Variants in CNTN2 observed in about 807,000 individuals in gnomAD.
The protein encoded by CNTN2 is contactin 2, also known as contactin-2.
In CNTN2, 53 loss-of-function variants were observed where a neutral mutation model predicts 117.5. The ratio of observed to expected loss-of-function variants is 0.45; its 90% confidence interval spans 0.36 to 0.57. The LOEUF is 0.57. CNTN2 is among the 20% of genes least tolerant of loss of function. The pLI, the probability that CNTN2 is intolerant of heterozygous loss-of-function variation, is 0.00. For synonymous variants in CNTN2, 530 were observed against 561.7 expected (o/e 0.94, Z 0.80); for missense variants, 1,106 against 1,404.3 (o/e 0.79, Z 3.39).
chr1:205,049,669 C>T (rs1214862115), intron 1 of CNTN2, among the ~76,000 whole-genome samples: 1 of 152,176 alleles, frequency 6.6e-6, no homozygotes, highest in Admixed American at 6.5e-5. Context: ...CACCCTGCCC[C>T]CAGTGAGCTC....
In CNTN2 at chr1:205,072,074, A is replaced by G. The variant is rs763177971; in HGVS notation, c.2672A>G (p.Tyr891Cys). Residue 891 changes from tyrosine (Y) to cysteine (C), a missense_variant, in exon 20 of 23, where the codon TAC (tyrosine) becomes TGC (cysteine). Tyr to Cys is a radical substitution (Grantham distance 194). Transcript: ENST00000331830. ...AAGTACCATGTGACCGTGAGGGCCT[A>G]CAACCGGGCTGGCACTGGGCCTGCC... ...NTKYHVTVRA[Y>C]NRAGTGPASP... The G allele has an allele frequency of 2.5e-6, 4 of 1,614,072 alleles. No homozygotes were observed. The highest frequency in any genetic ancestry group is 2.2e-5 in the South Asian group (2 of 91,064).
chr1:205,062,369 C>A, intron 9 of CNTN2, 71 bp from the exon 10 acceptor site: 1 of 1,543,070 alleles, frequency 6.5e-7, no homozygotes, highest in Non-Finnish European at 8.7e-7. Flanking sequence ...ACTGCTCCCA[C>A]CCCTGCCAAC....
In CNTN2 at chr1:205,073,956, GATTTTCTTTA is replaced by G; in HGVS notation, c.*193_*202del. On this transcript the variant is annotated 3_prime_UTR_variant, in exon 23 of 23. Coordinates refer to ENST00000331830, the MANE Select transcript of CNTN2 (RefSeq NM_005076.5). The surrounding 1 kb of genome is among the most constrained non-coding windows in gnomAD (Gnocchi z 6.3). ...TGCCGCAGGATAGAACCCACGCAAG[GATTTTCTTTA>G]AATTGAGAGGCACCAGGCAGTAACT... 1.7e-6 allele frequency: 1 copy of G among 604,326 alleles called. No homozygotes were observed. 37.4% of individuals were successfully genotyped at this position (604,326 alleles called of 1,614,324 possible). A position where few individuals can be genotyped will look rare whatever the true frequency, so the allele number is the denominator to read the frequency against.
At position 205,065,109 on chromosome 1, in the gene CNTN2, C is replaced by T. The variant is rs1222050124; in HGVS notation, c.1542C>T (p.Ala514=). The T allele has an allele frequency of 6.2e-7, 1 of 1,614,104 alleles. No homozygotes were observed. ...CAGATGCAACCAAAATCACTCTAGC[C>T]CCCTCAAGTGCCGACATCAACTTGG... ...SVRDATKITL[A]PSSADINLGD... Residue 514 remains alanine (A), a synonymous_variant, in exon 13 of 23, where the codon GCC becomes GCT. Transcript: ENST00000331830. The surrounding 1 kb of genome is among the most constrained non-coding windows in gnomAD (Gnocchi z 4.1).
intron 1 of CNTN2, among the ~76,000 whole-genome samples, chr1:205,044,013 G>A (rs2096436700): frequency 6.6e-6 from 1 of 152,130 alleles, no homozygotes; most frequent in Admixed American, 6.5e-5. Flanking sequence ...ACATCCCAAA[G>A]GGCGAGAGGC....
At position 205,077,708 on chromosome 1, in the gene CNTN2, C is replaced by G. The variant is rs1360254934; in HGVS notation, c.*3943C>G. On this transcript the variant is annotated 3_prime_UTR_variant, in exon 23 of 23. Coordinates refer to ENST00000331830, the MANE Select transcript of CNTN2 (RefSeq NM_005076.5). ...AAAATGGGTCAGATAGCTTTGGCCACAGCCCCAGGCAGCCTTTGGGGCCTA... is the reference window on the plus strand; with the variant it reads ...AAAATGGGTCAGATAGCTTTGGCCAGAGCCCCAGGCAGCCTTTGGGGCCTA... 1 of 152,332 alleles carries G rather than the reference C, an allele frequency of 6.6e-6. No homozygotes were observed. Among genetic ancestry groups the G allele is most frequent in the Non-Finnish European group, 1.5e-5 (1 of 68,116 alleles). 9.4% of individuals were successfully genotyped at this position (152,332 alleles called of 1,614,324 possible).
At chr1:205,044,686 C>T (rs562193920) in intron 1 of CNTN2, among the ~76,000 whole-genome samples, 2 of 152,362 alleles carry the variant, frequency 1.3e-5, no homozygotes, top group East Asian at 3.9e-4. Context: ...CACTTAGCCT[C>T]CGAGTCTCTC....
chr1:205,065,218 A>C lies in CNTN2; in HGVS notation c.1651A>C (p.Ile551Leu), dbSNP rs763527327. The change falls in exon 13 of 23, where the codon ATC becomes CTC. Residue 551 changes from isoleucine (I) to leucine (L), a missense_variant. Coordinates refer to ENST00000331830, the MANE Select transcript of CNTN2 (RefSeq NM_005076.5). The surrounding 1 kb of genome is among the most constrained non-coding windows in gnomAD (Gnocchi z 4.1). ...CACCTGGACCCTGGACGACTTCCCC[A>C]TCGACTTTGATAAGCCTGGAGGGCA... is the stretch of plus-strand genomic sequence containing the variant. ...TFTWTLDDFP[I>L]DFDKPGGHYR... The C allele has an allele frequency of 1.2e-6, 2 of 1,614,140 alleles. No homozygotes were observed. Among genetic ancestry groups the C allele is most frequent in the East Asian group, 4.5e-5 (2 of 44,860 alleles).
chr1:205,062,076 T>C, intron 9 of CNTN2, 75 bp downstream of exon 9: 1 of 1,536,542 alleles, frequency 6.5e-7, no homozygotes. Flanking sequence ...CGCCCAGAAC[T>C]TCCCCTGCAC....
chr1:205,058,442 C>G lies in CNTN2; in HGVS notation c.391+86C>G. 2 of 1,535,556 alleles carry G rather than the reference C, an allele frequency of 1.3e-6. No individual in the cohort carries two copies. Among genetic ancestry groups the G allele is most frequent in the Non-Finnish European group, 8.9e-7 (1 of 1,129,352 alleles). On this transcript the variant is annotated intron_variant, in intron 4 of 22. Transcript: ENST00000331830. This position sits in a 1 kb window ranked among gnomAD's most constrained non-coding sequence, Gnocchi z 4.3. ...ACTGAGAAAGGATAAGGGACACCCT[C>G]AAGCCGGGCCTTCCTGACCTCACAT... is the stretch of plus-strand genomic sequence containing the variant.
chr1:205,070,206 C>G, intron 18 of CNTN2, 145 bp downstream of exon 18: 1 of 811,848 alleles, frequency 1.2e-6, no homozygotes, highest in Non-Finnish European at 2.0e-6. Context: ...ATTGGCCTCA[C>G]TTCCAGCTCT....
rs1460943429 is a variant in CNTN2 at position 205,072,388 on chromosome 1, G to A, written c.2732-95G>A. 5.5e-6 allele frequency: 6 copies of A among 1,090,520 alleles called. No homozygotes were observed. The Admixed American group carries it at 1.1e-4, about 21-fold the overall frequency. The allele number at this position is 1,090,520 out of a possible 1,614,324, so 67.6% of individuals were successfully genotyped here. Reference sequence around the variant, plus strand: ...CAGAATGTGCTGGGTGTAACTGCTAGAGGCAAACATCCAGAGAAGGGCTGG... The same window carrying A: ...CAGAATGTGCTGGGTGTAACTGCTAAAGGCAAACATCCAGAGAAGGGCTGG... On this transcript the variant is annotated intron_variant, in intron 20 of 22. Coordinates refer to ENST00000331830, the MANE Select transcript of CNTN2 (RefSeq NM_005076.5).
chr1:205,071,992 G>T lies in CNTN2; in HGVS notation c.2590G>T (p.Val864Leu), dbSNP rs749977392. 1.9e-6 allele frequency: 3 copies of T among 1,614,080 alleles called. No individual in the cohort carries two copies. Among genetic ancestry groups the T allele is most frequent in the Non-Finnish European group, 2.5e-6 (3 of 1,179,996 alleles). The change falls in exon 20 of 23, where the codon GTG (valine) becomes TTG (leucine). Residue 864 changes from valine (V) to leucine (L), a missense_variant. Coordinates refer to ENST00000331830, the MANE Select transcript of CNTN2 (RefSeq NM_005076.5). ...GGACAAAGAAGCAGCTGCGGACCGAGTGAGGACAGCAGGGCTGGACACCAG... is the reference window on the plus strand; with the variant it reads ...GGACAAAGAAGCAGCTGCGGACCGATTGAGGACAGCAGGGCTGGACACCAG... The part of the protein sequence containing the change: ...AGDKEAAADR[V>L]RTAGLDTSAR...
At chr1:205,053,545 C>A (rs901089953) in intron 2 of CNTN2, among the ~76,000 whole-genome samples, 3 of 151,636 alleles carry the variant, frequency 2.0e-5, no homozygotes, top group African/African-American at 7.3e-5. Flanking sequence ...CGCCAGATCT[C>A]CACAATATCA....
intron 2 of CNTN2, chr1:205,057,669 G>A (rs924519433): frequency 2.1e-5 from 8 of 386,932 alleles, no homozygotes; most frequent in African/African-American, 1.6e-4. Context: ...GCCAGATGGG[G>A]CCTGCCCAGC....
chr1:205,067,293 G>C (rs1374348692), intron 16 of CNTN2, 43 bp downstream of exon 16: 1 of 1,587,856 alleles, frequency 6.3e-7, no homozygotes, highest in Non-Finnish European at 8.6e-7. Flanking sequence ...TCAGGGCAGA[G>C]ACCCTGGCAC....
At chr1:205,055,148 G>A (rs1243337232) in intron 2 of CNTN2, among the ~76,000 whole-genome samples, 1 of 152,040 alleles carries the variant, frequency 6.6e-6, no homozygotes, top group Non-Finnish European at 1.5e-5. Context: ...CGAGTAGCTG[G>A]GATTACAGAC....
At position 205,065,125 on chromosome 1, in the gene CNTN2, A is replaced by G. The variant is rs749241660; in HGVS notation, c.1558A>G (p.Ile520Val). 1 of 1,614,058 alleles carries G rather than the reference A, an allele frequency of 6.2e-7. No individual in the cohort carries two copies. The change falls in exon 13 of 23, where the codon ATC becomes GTC. Residue 520 changes from isoleucine to valine, a missense_variant. Physicochemically the swap from Ile to Val is conservative, Grantham distance 29 (BLOSUM62 3). Transcript: ENST00000331830. The surrounding 1 kb of genome is among the most constrained non-coding windows in gnomAD (Gnocchi z 4.1). ...CACTCTAGCCCCCTCAAGTGCCGAC[A>G]TCAACTTGGGTGACAACCTGACCCT... Reference protein sequence around the residue: ...KITLAPSSADINLGDNLTLQC... With the variant: ...KITLAPSSADVNLGDNLTLQC...
In CNTN2 at chr1:205,070,484, C is replaced by G. The variant is rs776333018; in HGVS notation, c.2490C>G (p.Asn830Lys). The change falls in exon 19 of 23, where the codon AAC (asparagine) becomes AAG (lysine). Residue 830 changes from asparagine to lysine, a missense_variant. Coordinates refer to ENST00000331830, the MANE Select transcript of CNTN2 (RefSeq NM_005076.5). ...AAGGGGTCTCATCCTCAGAGATGAA[C>G]GTGACCTGGGAACCCGTGCAGCAGG... is the stretch of plus-strand genomic sequence containing the variant. ...WAKGVSSSEM[N>K]VTWEPVQQDM... 4.3e-6 allele frequency: 7 copies of G among 1,614,024 alleles called. No individual in the cohort carries two copies. Among genetic ancestry groups the G allele is most frequent in the Non-Finnish European group, 4.2e-6 (5 of 1,179,974 alleles).
Sources: gnomAD v4.1 joint callset for allele counts (sites outside exome capture counted in the v4.1 genomes callset) on GRCh38, gnomAD v4.1.1 for gene constraint, Gnocchi (gnomAD v3.1) non-coding constraint, MANE v1.5 for transcripts, NCBI Gene and HGNC (gene_info 2026-07-23, HGNC 2026-07-21) for gene names.